Variants in CACNA1C observed in about 807,000 individuals in gnomAD.
The protein encoded by CACNA1C is calcium voltage-gated channel subunit alpha1 C.
Under a neutral mutation model 229.0 loss-of-function variants are expected in CACNA1C, and 30 were observed. The observed-to-expected ratio is 0.13, with a 90% CI of 0.10 to 0.18. CACNA1C has a LOEUF of 0.18. Among genes scored for constraint, CACNA1C ranks in the 10% least tolerant of loss-of-function variants. The pLI is 1.00. For synonymous variants in CACNA1C, 1,114 were observed against 1,132.5 expected, an observed-to-expected ratio of 0.98 and a Z score of 0.33; for missense variants, 1,658 against 2,845.0, an observed-to-expected ratio of 0.58 and a Z score of 9.49.
chr12:2,209,324 T>C (rs369215147), intron 3 of CACNA1C, among the ~76,000 whole-genome samples: 4 of 152,166 alleles, frequency 2.6e-5, no homozygotes, highest in East Asian at 3.8e-4. Flanking sequence ...CAACAATCCT[T>C]ATGAACAAAG....
intron 3 of CACNA1C, among the ~76,000 whole-genome samples, chr12:2,368,182 A>ATT (rs377641043): frequency 1.4e-3 from 6 of 4,228 alleles, no homozygotes; most frequent in Middle Eastern, 0.12. Flanking sequence ...ATGATAAAGA[A>ATT]TGTATCTCAA....
chr12:2,082,593 C>G (rs1231506580), intron 1 of CACNA1C, among the ~76,000 whole-genome samples: 1 of 152,202 alleles, frequency 6.6e-6, no homozygotes, highest in Non-Finnish European at 1.5e-5. Flanking sequence ...CCTTTACCAT[C>G]TGTTCAGGAT....
At chr12:2,007,229 T>C (rs2043624454) in intron 1 of CACNA1C, among the ~76,000 whole-genome samples, 2 of 152,238 alleles carry the variant, frequency 1.3e-5, no homozygotes, top group South Asian at 4.1e-4. Flanking sequence ...GCATTGTTTT[T>C]CTTTTGTCTG....
Position 2,647,292 on chromosome 12 carries a change from C to T in CACNA1C, c.3913-1183C>T, listed in dbSNP as rs2094459655. 6.6e-6 allele frequency among the ~76,000 whole-genome samples: 1 copy of T among 152,216 alleles called. No individual in the cohort carries two copies. The highest frequency in any genetic ancestry group is 2.4e-5 in the African/African-American group (1 of 41,456). The stretch of plus-strand genomic sequence containing the variant: ...TCAAGATCAGTCGGGGCTGAGCCCT[C>T]TGTGCTGGAGCCCAAAACGTAAGGG... On this transcript the variant is annotated intron_variant, in intron 30 of 46. Transcript: ENST00000399655. This position sits in a 1 kb window ranked among gnomAD's most constrained non-coding sequence, Gnocchi z 4.2.
intron 1 of CACNA1C, among the ~76,000 whole-genome samples, chr12:2,100,374 A>G (rs2075828352): frequency 6.7e-6 from 1 of 150,066 alleles, no homozygotes; most frequent in African/African-American, 2.5e-5. Flanking sequence ...AAGGAGGTTC[A>G]AGGAATTGCT....
At chr12:2,596,784 G>A (rs973739172) in intron 20 of CACNA1C, among the ~76,000 whole-genome samples, 5 of 152,134 alleles carry the variant, frequency 3.3e-5, no homozygotes, top group African/African-American at 1.2e-4. Flanking sequence ...CACCATCACA[G>A]GAAGCTGGCC....
At chr12:2,261,336 T>G (rs2080137348) in intron 3 of CACNA1C, among the ~76,000 whole-genome samples, 1 of 151,940 alleles carries the variant, frequency 6.6e-6, no homozygotes, top group South Asian at 2.1e-4. Context: ...AACAGAAGAG[T>G]GACATTGCTT....
intron 1 of CACNA1C, among the ~76,000 whole-genome samples, chr12:2,066,405 C>T (rs1422298055): frequency 1.1e-4 from 16 of 151,882 alleles, no homozygotes; most frequent in South Asian, 2.1e-4. Context: ...AGGGAGGTAG[C>T]GGGAGAGCCT....
At chr12:2,260,175 G>A (rs1184364481) in intron 3 of CACNA1C, among the ~76,000 whole-genome samples, 19 of 151,960 alleles carry the variant, frequency 1.3e-4, no homozygotes, top group Admixed American at 1.2e-3. Flanking sequence ...GACACAATCT[G>A]GGGAAAAAAG....
At chr12:2,372,190 G>A (rs1320912723) in intron 3 of CACNA1C, among the ~76,000 whole-genome samples, 1 of 152,158 alleles carries the variant, frequency 6.6e-6, no homozygotes, top group African/African-American at 2.4e-5. Flanking sequence ...TCAGTGTCCT[G>A]CAGTTATTCC....
chr12:2,286,704 C>T (rs1286139325), intron 3 of CACNA1C, among the ~76,000 whole-genome samples: 3 of 152,116 alleles, frequency 2.0e-5, no homozygotes, highest in Non-Finnish European at 2.9e-5. Flanking sequence ...AGGAGACAAA[C>T]AAGAAACAAT....
rs2069073156 is a variant in CACNA1C at position 2,597,691 on chromosome 12, C to A, written c.2853+402C>A. Among the ~76,000 whole-genome samples, 1 of 152,188 alleles carries A rather than the reference C, an allele frequency of 6.6e-6. No homozygotes were observed. Among genetic ancestry groups the A allele is most frequent in the Non-Finnish European group, 1.5e-5 (1 of 68,042 alleles). ...CTTAGAAGCCAGGAGCAGCCTACCCCACCACAGCTCCTCCCTCCAGCCACC... is the reference window on the plus strand; with the variant it reads ...CTTAGAAGCCAGGAGCAGCCTACCCAACCACAGCTCCTCCCTCCAGCCACC... On this transcript the variant is annotated intron_variant, in intron 21 of 46. Transcript: ENST00000399655. This position sits in a 1 kb window ranked among gnomAD's most constrained non-coding sequence, Gnocchi z 4.3.
Position 2,566,275 on chromosome 12 carries a change from A to G in CACNA1C, c.1509-147A>G, listed in dbSNP as rs566010748. ...GCGGCAGGGCCTGGTTAGCTGGATG[A>G]GAAGCTGGGCTCCTTGCCACCAGAT... On this transcript the variant is annotated intron_variant, in intron 11 of 46. Coordinates refer to ENST00000399655, the MANE Select transcript of CACNA1C (RefSeq NM_000719.7). This position sits in a 1 kb window ranked among gnomAD's most constrained non-coding sequence, Gnocchi z 4.0. 121 of 674,440 alleles carry G rather than the reference A, an allele frequency of 1.8e-4. No homozygotes were observed. The African/African-American group carries it at 2.1e-3, about 12-fold the overall frequency. The allele number at this position is 674,440 out of a possible 1,614,324, so 41.8% of individuals were successfully genotyped here. A position where few individuals can be genotyped will look rare whatever the true frequency, so the allele number is the denominator to read the frequency against.
rs539186460 is a variant in CACNA1C at position 2,272,486 on chromosome 12, G to A, written c.477+152056G>A. On this transcript the variant is annotated intron_variant, in intron 3 of 46. Transcript: ENST00000399655. ...GCTTTCTCTACTGATGCCTTGAGCC[G>A]GAAGCCAGACAGCAGATATTCCAAA... Among the ~76,000 whole-genome samples, 210 of 152,256 alleles carry A rather than the reference G, an allele frequency of 1.4e-3. 2 individuals carry two copies. The highest frequency in any genetic ancestry group is 2.2e-3 in the Non-Finnish European group (149 of 68,020).
chr12:2,408,352 G>A (rs2098762060), intron 3 of CACNA1C, among the ~76,000 whole-genome samples: 1 of 152,224 alleles, frequency 6.6e-6, no homozygotes. Flanking sequence ...TGTGCTTAAT[G>A]CCACTGAATG....
chr12:2,650,892 C>A (rs1488657297), intron 31 of CACNA1C, among the ~76,000 whole-genome samples: 2 of 152,148 alleles, frequency 1.3e-5, no homozygotes, highest in Non-Finnish European at 2.9e-5. Flanking sequence ...CTTCCAGGGT[C>A]TTGTACAGCC....
chr12:2,125,116 G>A (rs2283285), intron 3 of CACNA1C, among the ~76,000 whole-genome samples: 105,967 of 151,960 alleles, frequency 0.7, 37,366 homozygotes, highest in Non-Finnish European at 0.75. Context: ...CATACACCAC[G>A]TGTCAGGAAG....
chr12:2,265,404 A>G (rs2154407605), intron 3 of CACNA1C, among the ~76,000 whole-genome samples: 1 of 152,294 alleles, frequency 6.6e-6, no homozygotes, highest in South Asian at 2.1e-4. Flanking sequence ...CCCAAGGCTA[A>G]AGGGGCAGAT....
intron 1 of CACNA1C, among the ~76,000 whole-genome samples, chr12:2,081,282 A>G (rs2065469066): frequency 6.6e-6 from 1 of 152,176 alleles, no homozygotes; most frequent in African/African-American, 2.4e-5. Flanking sequence ...ATGGAAAGAC[A>G]TTTTTCGGCC....
Sources: gnomAD v4.1 joint callset for allele counts (sites outside exome capture counted in the v4.1 genomes callset) on GRCh38, gnomAD v4.1.1 for gene constraint, Gnocchi (gnomAD v3.1) non-coding constraint, MANE v1.5 for transcripts, NCBI Gene and HGNC (gene_info 2026-07-23, HGNC 2026-07-21) for gene names.